The following BIRC6 variants were observed in gnomAD, a reference collection of about 807,000 sequenced individuals.
BIRC6 encodes the protein baculoviral IAP repeat containing 6, also known as dual E2 ubiquitin-conjugating enzyme/E3 ubiquitin-protein ligase BIRC6.
A neutral mutation model predicts 503.3 loss-of-function variants in BIRC6; 98 were observed. The ratio of observed to expected loss-of-function variants is 0.19; its 90% confidence interval spans 0.17 to 0.23. The LOEUF (loss-of-function observed/expected upper bound fraction) is 0.23, where lower values mean the gene tolerates loss of function less well. BIRC6 is among the 10% of genes least tolerant of loss of function. The pLI, the probability that BIRC6 is intolerant of heterozygous loss-of-function variation, is 1.00. For synonymous variants in BIRC6, 2,240 were observed against 2,078.7 expected (o/e 1.08, Z -2.11); for missense variants, 5,360 against 5,806.0 (o/e 0.92, Z 2.50).
At chr2:32,446,736 C>CTGTTTTT (rs2045984580) in intron 21 of BIRC6, among the ~76,000 whole-genome samples, 5 of 75,830 alleles carry the variant, frequency 6.6e-5, no homozygotes, top group South Asian at 6.5e-4. Context: ...TCCCTCTGCG[C>CTGTTTTT]TGTTTTTTTT....
chr2:32,563,179 A>G (rs2059313539), intron 65 of BIRC6: 1 of 152,228 alleles, frequency 6.6e-6, no homozygotes, highest in Admixed American at 6.5e-5. Context: ...ATGTTACATG[A>G]AGAGGGTTGA....
Position 32,515,123 on chromosome 2 carries a change from C to T in BIRC6, c.10702C>T (p.Pro3568Ser), listed in dbSNP as rs2054892082. The change falls in exon 55 of 74, where the codon CCT (proline) becomes TCT (serine). Residue 3568 changes from proline to serine, a missense_variant. By Grantham distance (74) the Pro-to-Ser change is moderately conservative. Around this residue, in one of 16 missense-constraint regions of BIRC6, gnomAD observed 878 missense variants for 928.9 expected, o/e 0.95. Transcript: ENST00000421745. ...GCTCATGGGCTGGATGGGAATTACC[C>T]CTCCTCCAGTGCAATGTCATCATAG... The part of the protein sequence containing the change: ...SLLMGWMGIT[P>S]PPVQCHHRLS... 1.9e-6 allele frequency: 3 copies of T among 1,613,928 alleles called. No individual in the cohort carries two copies. The highest frequency in any genetic ancestry group is 1.3e-5 in the African/African-American group (1 of 75,026).
In BIRC6 at chr2:32,461,062, C is replaced by G. The variant is rs200205865; in HGVS notation, c.4754-2132C>G. On this transcript the variant is annotated intron_variant, in intron 23 of 73. Transcript: ENST00000421745. ...CTTCTCTTCTCTTCTCTTCTCTTCT[C>G]TTCTGTTCTCCTCTCCTCTCCTCTC... Among the ~76,000 whole-genome samples the G allele has an allele frequency of 6.2e-3, 327 of 52,594 alleles. 2 individuals carry two copies. Among genetic ancestry groups the G allele is most frequent in the African/African-American group, 0.018 (307 of 16,862 alleles). 34.5% of individuals were successfully genotyped at this position (52,594 alleles called of 152,430 possible).
intron 66 of BIRC6, among the ~76,000 whole-genome samples, chr2:32,576,409 C>G (rs763798842): frequency 3.3e-5 from 5 of 152,138 alleles, no homozygotes; most frequent in Non-Finnish European, 7.4e-5. Context: ...GTTCAGTGAC[C>G]TTTTCCTTTC....
chr2:32,533,630 G>A (rs370537058), intron 61 of BIRC6, among the ~76,000 whole-genome samples: 1 of 152,260 alleles, frequency 6.6e-6, no homozygotes, highest in Non-Finnish European at 1.5e-5. Context: ...CACATAGAGG[G>A]CTCTTTGAAG....
chr2:32,383,741 A>T (rs566348741), intron 3 of BIRC6, among the ~76,000 whole-genome samples: 14 of 152,260 alleles, frequency 9.2e-5, no homozygotes, highest in Non-Finnish European at 1.8e-4. Context: ...TGTGTTGGCC[A>T]GGCTGGTCTT....
At chr2:32,370,004 G>A (rs10170799) in intron 1 of BIRC6, among the ~76,000 whole-genome samples, 4 of 120,200 alleles carry the variant, frequency 3.3e-5, no homozygotes, top group Non-Finnish European at 5.0e-5. Flanking sequence ...GTATGTGTGT[G>A]TATATATATG....
chr2:32,366,834 T>C (rs62136266), intron 1 of BIRC6, among the ~76,000 whole-genome samples: 1 of 151,424 alleles, frequency 6.6e-6, no homozygotes, highest in South Asian at 2.1e-4. Flanking sequence ...AAAAAAAAAT[T>C]AGCTGGGTGT....
chr2:32,434,413 A>G (rs1175611027), intron 13 of BIRC6, among the ~76,000 whole-genome samples: 1 of 152,202 alleles, frequency 6.6e-6, no homozygotes, highest in Admixed American at 6.5e-5. Flanking sequence ...TTGAAAAATT[A>G]CATATACGCC....
intron 59 of BIRC6, chr2:32,529,092 A>C (rs2056518085): frequency 6.6e-6 from 1 of 152,234 alleles, no homozygotes; most frequent in Non-Finnish European, 1.5e-5. Context: ...TTTTCTTCTT[A>C]GCTTTACATT....
chr2:32,503,305 T>G lies in BIRC6; in HGVS notation c.9499+69T>G, dbSNP rs2053410648. 5 of 1,338,904 alleles carry G rather than the reference T, an allele frequency of 3.7e-6. No individual in the cohort carries two copies. The East Asian group carries it at 1.2e-4, about 32-fold the overall frequency. 82.9% of individuals were successfully genotyped at this position (1,338,904 alleles called of 1,614,324 possible). A position where few individuals can be genotyped will look rare whatever the true frequency, so the allele number is the denominator to read the frequency against. Reference sequence around the variant, plus strand: ...GTTTATTAGCTGGTATGAAACAAAATTAGTTGAAGTCAGTTGATGATGTTA... The same window carrying G: ...GTTTATTAGCTGGTATGAAACAAAAGTAGTTGAAGTCAGTTGATGATGTTA... On this transcript the variant is annotated intron_variant, in intron 49 of 73. Transcript: ENST00000421745.
chr2:32,387,941 T>C (rs2038711144), intron 3 of BIRC6, among the ~76,000 whole-genome samples: 1 of 152,198 alleles, frequency 6.6e-6, no homozygotes, highest in African/African-American at 2.4e-5. Flanking sequence ...TAAATAATTG[T>C]ATATATTTAT....
intron 23 of BIRC6, among the ~76,000 whole-genome samples, chr2:32,459,598 T>C (rs2047614070): frequency 6.6e-6 from 1 of 152,164 alleles, no homozygotes; most frequent in Non-Finnish European, 1.5e-5. Flanking sequence ...ATTTAGGGCC[T>C]TTATGTAAAT....
intron 23 of BIRC6, 90 bp downstream of exon 23, chr2:32,454,032 G>T: frequency 8.9e-7 from 1 of 1,118,146 alleles, no homozygotes; most frequent in Non-Finnish European, 1.2e-6. Flanking sequence ...TTCTAATTAT[G>T]TAATTTTCAT....
intron 45 of BIRC6, among the ~76,000 whole-genome samples, chr2:32,495,995 G>A (rs1031890891): frequency 6.6e-6 from 1 of 150,636 alleles, no homozygotes; most frequent in South Asian, 2.1e-4. Context: ...CTGCCATCAC[G>A]CCCTGCTAAT....
intron 10 of BIRC6, among the ~76,000 whole-genome samples, chr2:32,427,845 C>G (rs529600249): frequency 3.3e-5 from 5 of 151,978 alleles, no homozygotes; most frequent in South Asian, 4.2e-4. Context: ...AACACTATAG[C>G]AATCTGGATT....
intron 16 of BIRC6, among the ~76,000 whole-genome samples, chr2:32,440,605 A>C (rs2045310604): frequency 6.6e-6 from 1 of 152,090 alleles, no homozygotes; most frequent in South Asian, 2.1e-4. Context: ...TGTGTACTTT[A>C]TCTGATGTAA....
At chr2:32,613,168 T>C (rs2062995311) in intron 73 of BIRC6, among the ~76,000 whole-genome samples, 1 of 151,544 alleles carries the variant, frequency 6.6e-6, no homozygotes, top group Non-Finnish European at 1.5e-5. Context: ...TTTCACTTCA[T>C]GGAACCCTGC....
Position 32,505,113 on chromosome 2 carries a change from C to T in BIRC6, c.9608C>T (p.Pro3203Leu). 1 of 1,609,852 alleles carries T rather than the reference C, an allele frequency of 6.2e-7. No individual in the cohort carries two copies. Among genetic ancestry groups the T allele is most frequent in the Non-Finnish European group, 8.5e-7 (1 of 1,178,020 alleles). ...RSAAWSYIFL[P>L]EEAWCDLTIH... is the part of the protein sequence containing the mutation. ...GCTGCTTGGTCCTACATCTTTCTTC[C>T]AGAGGAGGCTTGGTGTGACCTTACC... Residue 3203 changes from proline (P) to leucine (L), a missense_variant, in exon 50 of 74, where the codon CCA becomes CTA. Pro to Leu is a moderately conservative substitution (Grantham distance 98). Coordinates refer to ENST00000421745, the MANE Select transcript of BIRC6 (RefSeq NM_016252.4).
Sources: gnomAD v4.1 joint callset for allele counts (sites outside exome capture counted in the v4.1 genomes callset) on GRCh38, gnomAD v4.1.1 for gene constraint, gnomAD v4.1.1 regional missense constraint, MANE v1.5 for transcripts, NCBI Gene and HGNC (gene_info 2026-07-23, HGNC 2026-07-21) for gene names.